The following ASTN2 variants were observed in gnomAD, a reference collection of about 807,000 sequenced individuals.
ASTN2 encodes astrotactin-2.
ASTN2 carries 54 observed loss-of-function variants against 139.8 expected under a neutral mutation model. The observed-to-expected ratio is 0.39, with a 90% CI of 0.31 to 0.48. ASTN2 has a LOEUF of 0.48. Ranked by LOEUF, ASTN2 falls within the 20% of genes least tolerant of loss-of-function variation. The pLI is 0.95. For missense variants in ASTN2, 1,565 were observed against 1,725.1 expected (o/e 0.91, Z 1.64); for synonymous variants, 756 against 719.5 (o/e 1.05, Z -0.81).
chr9:116,491,683 C>T (rs879653280), intron 19 of ASTN2, among the ~76,000 whole-genome samples: 3 of 152,152 alleles, frequency 2.0e-5, no homozygotes, highest in African/African-American at 7.2e-5. Flanking sequence ...AAGTAATCCC[C>T]CAGTGTTCTT....
At chr9:116,505,753 C>T (rs1051601743) in intron 19 of ASTN2, among the ~76,000 whole-genome samples, 1 of 152,146 alleles carries the variant, frequency 6.6e-6, no homozygotes, top group Non-Finnish European at 1.5e-5. Flanking sequence ...CACTACTGCT[C>T]CAGCTAGAGC....
At chr9:116,585,929 ACT>A (rs1186580976) in intron 19 of ASTN2, 1 of 152,176 alleles carries the variant, frequency 6.6e-6, no homozygotes, top group African/African-American at 2.4e-5. Context: ...TAATATTCAG[ACT>A]CTGTAAGAAA....
At chr9:117,349,258 C>G (rs1829317775) in intron 1 of ASTN2, among the ~76,000 whole-genome samples, 1 of 152,328 alleles carries the variant, frequency 6.6e-6, no homozygotes, top group Middle Eastern at 3.4e-3. Context: ...GGGTAAGGAA[C>G]ATGATCGTCT....
intron 2 of ASTN2, among the ~76,000 whole-genome samples, chr9:117,290,127 A>C (rs1834551603): frequency 6.6e-6 from 1 of 152,178 alleles, no homozygotes; most frequent in African/African-American, 2.4e-5. Flanking sequence ...GCTTTATGCC[A>C]ATCACTTCAC....
chr9:116,442,479 G>A lies in ASTN2; in HGVS notation c.3572C>T (p.Pro1191Leu), dbSNP rs1847868578. ...TTCTGCCTTGTTGTCATCTACCAGT[G>A]GACAGGCCGTCCTCAGGGTCACCGT... ...LSTVTLRTAC[P>L]LVDDNKAEEI... Residue 1191 changes from proline (P) to leucine (L), a missense_variant, in exon 21 of 23, where the codon CCA becomes CTA. Around this residue, in one of 4 missense-constraint regions of ASTN2, gnomAD observed 418 missense variants for 465.8 expected, o/e 0.90. Coordinates refer to ENST00000313400, the MANE Select transcript of ASTN2 (RefSeq NM_001365068.1). The A allele has an allele frequency of 6.2e-7, 1 of 1,614,034 alleles. No homozygotes were observed. The highest frequency in any genetic ancestry group is 8.5e-7 in the Non-Finnish European group (1 of 1,179,992).
At chr9:116,586,131 A>G (rs929837407) in intron 19 of ASTN2, 2 of 152,356 alleles carry the variant, frequency 1.3e-5, no homozygotes, top group Admixed American at 1.3e-4. Flanking sequence ...GCTATTATCA[A>G]AAAGTCAAAA....
Position 116,471,599 on chromosome 9 carries a change from A to G in ASTN2, c.3497+15760T>C, listed in dbSNP as rs560261172. ...GGGACAGAGAAGGAAGTTGGGCAGT[A>G]AAGGGGGTGGAGGGAGGGGGGAATT... is the stretch of plus-strand genomic sequence containing the variant. On this transcript the variant is annotated intron_variant, in intron 20 of 22. Coordinates refer to ENST00000313400, the MANE Select transcript of ASTN2 (RefSeq NM_001365068.1). Among the ~76,000 whole-genome samples the G allele has an allele frequency of 1.8e-4, 27 of 152,136 alleles. No homozygotes were observed. The South Asian group carries it at 5.4e-3, about 31-fold the overall frequency.
chr9:116,635,826 T>G (rs1429857694), intron 17 of ASTN2, among the ~76,000 whole-genome samples: 1 of 152,194 alleles, frequency 6.6e-6, no homozygotes, highest in Non-Finnish European at 1.5e-5. Flanking sequence ...GGCTTTGAAT[T>G]GAGCTAATAG....
chr9:116,877,603 G>A (rs149287495), intron 10 of ASTN2, among the ~76,000 whole-genome samples: 4 of 152,280 alleles, frequency 2.6e-5, no homozygotes, highest in Admixed American at 2.6e-4. Context: ...TTGGGGATGG[G>A]AGTGTGGAGT....
At chr9:117,222,774 T>C (rs1002425503) in intron 2 of ASTN2, among the ~76,000 whole-genome samples, 3 of 152,184 alleles carry the variant, frequency 2.0e-5, no homozygotes, top group African/African-American at 7.2e-5. Flanking sequence ...GCGCTTCGCC[T>C]TAACCCTCAC....
At chr9:117,123,241 G>A (rs1220759565) in intron 4 of ASTN2, among the ~76,000 whole-genome samples, 1 of 151,960 alleles carries the variant, frequency 6.6e-6, no homozygotes, top group Non-Finnish European at 1.5e-5. Flanking sequence ...CTGTCCCAGA[G>A]CAATGAGGAT....
intron 10 of ASTN2, among the ~76,000 whole-genome samples, chr9:116,904,815 G>A (rs1194634069): frequency 1.3e-5 from 2 of 152,190 alleles, no homozygotes; most frequent in Non-Finnish European, 2.9e-5. Context: ...AAGGCTGCGT[G>A]ATGAACATCT....
chr9:116,676,390 A>G (rs952276162), intron 16 of ASTN2, among the ~76,000 whole-genome samples: 9 of 152,102 alleles, frequency 5.9e-5, no homozygotes, highest in Non-Finnish European at 1.3e-4. Flanking sequence ...TAATGGAGAG[A>G]GGGGTATCAC....
At chr9:116,838,251 A>G (rs1832075832) in intron 11 of ASTN2, among the ~76,000 whole-genome samples, 1 of 151,788 alleles carries the variant, frequency 6.6e-6, no homozygotes, top group Non-Finnish European at 1.5e-5. Context: ...CTGGGATTAC[A>G]GGCATGCACC....
At chr9:116,879,621 C>T (rs1174364924) in intron 10 of ASTN2, among the ~76,000 whole-genome samples, 1 of 152,204 alleles carries the variant, frequency 6.6e-6, no homozygotes, top group Non-Finnish European at 1.5e-5. Context: ...GCCATGCTCA[C>T]TGAAGTCTAG....
At chr9:116,968,638 A>G (rs1836088135) in intron 10 of ASTN2, among the ~76,000 whole-genome samples, 1 of 152,022 alleles carries the variant, frequency 6.6e-6, no homozygotes, top group South Asian at 2.1e-4. Flanking sequence ...GTGGCTCACA[A>G]CTGGAATCCC....
intron 19 of ASTN2, chr9:116,547,429 A>T (rs933801562): frequency 6.6e-6 from 1 of 152,150 alleles, no homozygotes; most frequent in Non-Finnish European, 1.5e-5. Context: ...GGAGAGTCAA[A>T]CTCAGGTCTG....
intron 19 of ASTN2, among the ~76,000 whole-genome samples, chr9:116,489,575 C>T (rs2119092926): frequency 6.6e-6 from 1 of 152,266 alleles, no homozygotes; most frequent in Middle Eastern, 3.4e-3. Context: ...GAGCCTTGGC[C>T]TCCCAAAGTG....
chr9:116,818,170 G>A (rs1007089981), intron 12 of ASTN2, among the ~76,000 whole-genome samples: 3 of 152,198 alleles, frequency 2.0e-5, no homozygotes, highest in African/African-American at 7.2e-5. Flanking sequence ...TACGTAGAAA[G>A]TCATTAGTAA....
Sources: gnomAD v4.1 joint callset for allele counts (sites outside exome capture counted in the v4.1 genomes callset) on GRCh38, gnomAD v4.1.1 for gene constraint, gnomAD v4.1.1 regional missense constraint, MANE v1.5 for transcripts, NCBI Gene and HGNC (gene_info 2026-07-23, HGNC 2026-07-21) for gene names.